DAB2: variants seen among roughly 807,000 people sequenced by gnomAD.
The protein encoded by DAB2 is DAB adaptor protein 2, also known as disabled homolog 2.
A neutral mutation model predicts 71.6 loss-of-function variants in DAB2; 28 were observed. The observed-to-expected ratio is 0.39, with a 90% CI of 0.29 to 0.54. DAB2 has a LOEUF of 0.54. Among genes scored for constraint, DAB2 ranks in the 20% least tolerant of loss-of-function variants. DAB2 has a pLI of 0.68. For synonymous variants in DAB2, 345 were observed against 339.7 expected (o/e 1.02, Z -0.17); for missense variants, 867 against 928.8 (o/e 0.93, Z 0.86).
rs1233438255 is a variant in DAB2 at position 39,376,983 on chromosome 5, G to A, written c.1804C>T (p.Pro602Ser). 4.3e-6 allele frequency: 7 copies of A among 1,614,120 alleles called. No homozygotes were observed. The highest frequency in any genetic ancestry group is 1.7e-4 in the Middle Eastern group (1 of 6,058). ...NPFQSNIFPA[P>S]AVSTQPPSMH... is the part of the protein sequence containing the mutation. ...GATGGGGGCTGAGTGGACACAGCAG[G>A]AGCTGGAAAAATATTGCTCTGAAAA... Residue 602 changes from proline to serine, a missense_variant, in exon 12 of 15, where the codon CCT (proline) becomes TCT (serine). This residue lies in a region of DAB2 where 740 missense variants were observed against 734.3 expected (regional missense o/e 1.01). Transcript: ENST00000320816.
chr5:39,381,586 T>A lies in DAB2; in HGVS notation c.1372A>T (p.Ile458Phe). 1 of 1,613,968 alleles carries A rather than the reference T, an allele frequency of 6.2e-7. No individual in the cohort carries two copies. The highest frequency in any genetic ancestry group is 8.5e-7 in the Non-Finnish European group (1 of 1,179,944). Residue 458 changes from isoleucine to phenylalanine, a missense_variant, in exon 11 of 15, where the codon ATC becomes TTC. Coordinates refer to ENST00000320816, the MANE Select transcript of DAB2 (RefSeq NM_001343.4). ...SSANDLLASD[I>F]FAPPVSEPSG... ...GGTTCTGAGACGGGAGGAGCAAAGA[T>A]GTCTGATGCAAGCAAGTCATTGGCT...
At chr5:39,395,834 T>TTAA (rs1755351240) in intron 1 of DAB2, among the ~76,000 whole-genome samples, 1 of 152,020 alleles carries the variant, frequency 6.6e-6, no homozygotes, top group Non-Finnish European at 1.5e-5. Flanking sequence ...AACCAGGCAC[T>TTAA]ATTAACCTTT....
Position 39,393,389 on chromosome 5 carries a change from A to G in DAB2, c.96T>C (p.Pro32=). The change falls in exon 3 of 15, where the codon CCT becomes CCC. Residue 32 remains proline (P), a synonymous_variant. Transcript: ENST00000320816. ...APSKKEKKKG[P]EKTDEYLLAR... ...CTAAGAGATATTCATCTGTCTTTTC[A>G]GGGCCTGAGAAAAGAAAGGAATACA... is the stretch of plus-strand genomic sequence containing the variant. 6.2e-7 allele frequency: 1 copy of G among 1,613,812 alleles called. No homozygotes were observed. The highest frequency in any genetic ancestry group is 8.5e-7 in the Non-Finnish European group (1 of 1,179,878).
At chr5:39,393,202 C>G (rs1408749480) in intron 3 of DAB2, 52 bp downstream of exon 3, 41 of 1,563,350 alleles carry the variant, frequency 2.6e-5, no homozygotes, top group Non-Finnish European at 3.5e-5. Context: ...ATATAATTCC[C>G]TCTCTTGGAC....
intron 1 of DAB2, among the ~76,000 whole-genome samples, chr5:39,404,356 G>A (rs1311440208): frequency 6.8e-6 from 1 of 146,506 alleles, no homozygotes; most frequent in Admixed American, 7.1e-5. Context: ...TAACTAACCT[G>A]CACATTGTGC....
chr5:39,416,174 G>A (rs915501390), intron 1 of DAB2, among the ~76,000 whole-genome samples: 20 of 151,900 alleles, frequency 1.3e-4, no homozygotes, highest in Non-Finnish European at 2.4e-4. Context: ...CTCATGATTA[G>A]CGGACTTATA....
intron 1 of DAB2, among the ~76,000 whole-genome samples, chr5:39,399,472 T>C (rs1755448527): frequency 6.6e-6 from 1 of 152,216 alleles, no homozygotes; most frequent in South Asian, 2.1e-4. Context: ...TAGTCCTGAC[T>C]CCTTTTTAAG....
chr5:39,383,029 C>T lies in DAB2; in HGVS notation c.930G>A (p.Ser310=), dbSNP rs200633845. The T allele has an allele frequency of 2.2e-5, 35 of 1,613,878 alleles. No individual in the cohort carries two copies. The highest frequency in any genetic ancestry group is 2.7e-5 in the African/African-American group (2 of 74,842). The part of the protein sequence containing the change: ...FTQPDQSTPS[S]FDSLKSPDQK... The stretch of plus-strand genomic sequence containing the variant: ...GATCTGGAGATTTGAGAGAATCAAA[C>T]GAAGAAGGTGTCGATTGGTCTGGCT... Residue 310 remains serine, a synonymous_variant, in exon 10 of 15, where the codon TCG becomes TCA. Transcript: ENST00000320816.
At chr5:39,411,125 T>C (rs3843909) in intron 1 of DAB2, among the ~76,000 whole-genome samples, 144,209 of 152,136 alleles carry the variant, frequency 0.95, 68,725 homozygotes, top group African/African-American at 0.99. Flanking sequence ...TAGCATGAGG[T>C]GAACTAATAG....
At chr5:39,388,497 T>A in intron 8 of DAB2, 130 bp from the exon 9 acceptor site, 3 of 714,906 alleles carry the variant, frequency 4.2e-6, no homozygotes, top group Non-Finnish European at 7.2e-6. Context: ...ACTAATAGAT[T>A]TCATATTAAG....
intron 3 of DAB2, among the ~76,000 whole-genome samples, 183 bp from the exon 4 acceptor site, chr5:39,392,646 T>G (rs977809711): frequency 1.3e-5 from 2 of 152,174 alleles, no homozygotes; most frequent in Non-Finnish European, 2.9e-5. Context: ...AGGGCATCCC[T>G]TAGTTAGCTG....
At chr5:39,380,381 A>G (rs1579901164) in intron 11 of DAB2, among the ~76,000 whole-genome samples, 1 of 152,330 alleles carries the variant, frequency 6.6e-6, no homozygotes, top group East Asian at 1.9e-4. Flanking sequence ...ACAGAGACAG[A>G]GAGGAAAACA....
At chr5:39,390,035 T>G (rs1755189844) in intron 5 of DAB2, 103 bp from the exon 6 acceptor site, 3 of 814,596 alleles carry the variant, frequency 3.7e-6, no homozygotes, top group Non-Finnish European at 5.7e-6. Flanking sequence ...TTTTTAATCT[T>G]AAAACGCCTT....
intron 1 of DAB2, among the ~76,000 whole-genome samples, chr5:39,402,648 C>T (rs550135462): frequency 1.3e-5 from 2 of 152,266 alleles, no homozygotes; most frequent in Admixed American, 6.5e-5. Context: ...GAACTCCTGA[C>T]CTCAGGTGAT....
chr5:39,382,698 G>T lies in DAB2; in HGVS notation c.1261C>A (p.Gln421Lys). The stretch of plus-strand genomic sequence containing the variant: ...GCTATGGAGTCATGTGGTGAGGACT[G>T]GACAGAGCTTTCCAAGTCCTGCTTT... Reference protein sequence around the residue: ...GVKQDLESSVQSSPHDSIAII... With the variant: ...GVKQDLESSVKSSPHDSIAII... The change falls in exon 10 of 15, where the codon CAG becomes AAG. Residue 421 changes from glutamine (Q) to lysine (K), a missense_variant. Physicochemically the swap from Gln to Lys is moderately conservative, Grantham distance 53. Transcript: ENST00000320816. 6.2e-7 allele frequency: 1 copy of T among 1,614,138 alleles called. No homozygotes were observed. Among genetic ancestry groups the T allele is most frequent in the South Asian group, 1.1e-5 (1 of 91,084 alleles).
intron 10 of DAB2, among the ~76,000 whole-genome samples, chr5:39,382,086 T>C (rs572644565): frequency 3.3e-5 from 5 of 152,220 alleles, no homozygotes; most frequent in Non-Finnish European, 7.3e-5. Flanking sequence ...GGAACTGCAT[T>C]TTAAATTGCT....
At chr5:39,376,404 C>T (rs1298310942) in intron 12 of DAB2, among the ~76,000 whole-genome samples, 1 of 152,186 alleles carries the variant, frequency 6.6e-6, no homozygotes, top group Non-Finnish European at 1.5e-5. Flanking sequence ...ATTTCAATAG[C>T]TCATGGCAGC....
Position 39,392,377 on chromosome 5 carries a change from A to G in DAB2, c.318T>C (p.Asp106=), listed in dbSNP as rs1427649553. The change falls in exon 4 of 15, where the codon GAT becomes GAC. Residue 106 remains aspartate, a synonymous_variant. Transcript: ENST00000320816. ...NISLSGIKII[D]EKTGVIEHEH... ...TGTGAATTCTTACCCCAGTTTTCTC[A>G]TCAATTATTTTTATCCCAGAAAGGG... 2 of 1,613,508 alleles carry G rather than the reference A, an allele frequency of 1.2e-6. No homozygotes were observed. The highest frequency in any genetic ancestry group is 1.3e-5 in the African/African-American group (1 of 75,026).
rs1161729977 is a variant in DAB2 at position 39,376,949 on chromosome 5, G to A, written c.1838C>T (p.Ser613Phe). 33 of 1,614,164 alleles carry A rather than the reference G, an allele frequency of 2.0e-5. No individual in the cohort carries two copies. Among genetic ancestry groups the A allele is most frequent in the Non-Finnish European group, 2.7e-5 (32 of 1,180,014 alleles). The change falls in exon 12 of 15, where the codon TCC (serine) becomes TTC (phenylalanine). Residue 613 changes from serine to phenylalanine, a missense_variant. Physicochemically the swap from Ser to Phe is radical, Grantham distance 155. This residue lies in a region of DAB2 where 740 missense variants were observed against 734.3 expected (regional missense o/e 1.01). Transcript: ENST00000320816. ...AVSTQPPSMH[S>F]SLLVTPPQPP... ...CTGAGGAGGAGTGACCAGGAGAGAGGAGTGCATGGATGGGGGCTGAGTGGA... is the reference window on the plus strand; with the variant it reads ...CTGAGGAGGAGTGACCAGGAGAGAGAAGTGCATGGATGGGGGCTGAGTGGA...
Sources: gnomAD v4.1 joint callset for allele counts (sites outside exome capture counted in the v4.1 genomes callset) on GRCh38, gnomAD v4.1.1 for gene constraint, gnomAD v4.1.1 regional missense constraint, MANE v1.5 for transcripts, NCBI Gene and HGNC (gene_info 2026-07-23, HGNC 2026-07-21) for gene names.